Variants in CUBN observed in about 807,000 individuals in gnomAD.
The protein encoded by CUBN is 460 kDa receptor.
Under a neutral mutation model 405.3 loss-of-function variants are expected in CUBN, and 282 were observed. The ratio of observed to expected loss-of-function variants is 0.70; its 90% CI spans 0.63 to 0.77. The LOEUF (loss-of-function observed/expected upper bound fraction) is 0.77. Ranked by LOEUF, CUBN falls within the 30% of genes least tolerant of loss-of-function variation. The probability of loss-of-function intolerance (pLI) is 0.00; values close to 1 mark genes in which losing one functional copy is unlikely to be tolerated. For synonymous variants in CUBN, 1,684 were observed against 1,617.0 expected (o/e 1.04, Z -0.99); for missense variants, 4,514 against 4,475.2 (o/e 1.01, Z -0.25).
At chr10:17,011,511 G>T (rs998637302) in intron 28 of CUBN, among the ~76,000 whole-genome samples, 58 of 130,816 alleles carry the variant, frequency 4.4e-4, no homozygotes, top group African/African-American at 1.4e-3. Flanking sequence ...AGCTCATAAA[G>T]GTAGTGTGAA....
intron 59 of CUBN, among the ~76,000 whole-genome samples, chr10:16,853,415 T>G (rs1434127827): frequency 1.3e-5 from 2 of 152,216 alleles, no homozygotes; most frequent in Admixed American, 1.3e-4. Context: ...TAGGGGGTGC[T>G]AAGATTTTGT....
chr10:17,081,696 A>C (rs781096362), intron 17 of CUBN, among the ~76,000 whole-genome samples: 5 of 152,186 alleles, frequency 3.3e-5, no homozygotes, highest in African/African-American at 4.8e-5. Context: ...CAATGGATAG[A>C]GATGATTTAA....
intron 17 of CUBN, among the ~76,000 whole-genome samples, chr10:17,075,217 G>A (rs1588626386): frequency 6.7e-6 from 1 of 150,296 alleles, no homozygotes; most frequent in East Asian, 2.0e-4. Flanking sequence ...CCAAATAGCT[G>A]AGACTGCAAG....
chr10:16,894,268 A>G (rs1302981568), intron 54 of CUBN, among the ~76,000 whole-genome samples: 1 of 152,022 alleles, frequency 6.6e-6, no homozygotes, highest in Non-Finnish European at 1.5e-5. Flanking sequence ...TTGTTGTTTA[A>G]TCTAAGACCT....
chr10:16,892,636 T>G (rs2131405273), intron 54 of CUBN, among the ~76,000 whole-genome samples: 1 of 152,138 alleles, frequency 6.6e-6, no homozygotes, highest in East Asian at 1.9e-4. Flanking sequence ...GGACTACAGG[T>G]GCGTGCAACC....
At chr10:16,945,767 C>CAAAAAAAAAAAAAAAAAAA (rs61141075) in intron 36 of CUBN, among the ~76,000 whole-genome samples, 1 of 81,386 alleles carries the variant, frequency 1.2e-5, no homozygotes, top group Non-Finnish European at 2.5e-5. Flanking sequence ...ACTGTGTCTC[C>CAAAAAAAAAAAAAAAAAAA]AAAAAAAAAA....
chr10:16,908,667 T>TA (rs1841627686), intron 48 of CUBN, among the ~76,000 whole-genome samples: 1 of 152,188 alleles, frequency 6.6e-6, no homozygotes. Flanking sequence ...CAATGCTTTA[T>TA]AAAATCAAAT....
chr10:17,061,666 C>T (rs940305033), intron 22 of CUBN, among the ~76,000 whole-genome samples: 2 of 152,116 alleles, frequency 1.3e-5, no homozygotes, highest in Non-Finnish European at 1.5e-5. Flanking sequence ...AGGAGGGAGG[C>T]CAAGAAAGCC....
Position 16,954,542 on chromosome 10 carries a change from C to T in CUBN, c.4702G>A (p.Asp1568Asn), listed in dbSNP as rs533512333. ...EPQDSCIMAY[D>N]GLSSTMSRLA... is the part of the protein sequence containing the mutation. The stretch of plus-strand genomic sequence containing the variant: ...CGGGACATTGTGGAGCTTAAGCCAT[C>T]GTATGCCTACAAGAAAGGAGACAGG... The change falls in exon 32 of 67, where the codon GAT becomes AAT. Residue 1568 changes from aspartate (D) to asparagine (N), a missense_variant. Physicochemically the swap from Asp to Asn is conservative, Grantham distance 23. This residue lies in a region of CUBN where 1,613 missense variants were observed against 1,542.8 expected (regional missense o/e 1.05). Transcript: ENST00000377833. 1.1e-4 allele frequency: 179 copies of T among 1,613,356 alleles called. No homozygotes were observed. In the South Asian group the frequency reaches 1.7e-3, roughly 16 times the overall value.
At position 16,900,745 on chromosome 10, in the gene CUBN, A is replaced by G. The variant is rs146256983; in HGVS notation, c.8290T>C (p.Cys2764Arg). ...SPESPIIGQY[C>R]GNSNPRTIQS... ...ATTGTCCTGGGGTTTGAATTTCCAC[A>G]GTATTGTCCTATGATGGGTGATTCA... is the stretch of plus-strand genomic sequence containing the variant. Residue 2764 changes from cysteine (C) to arginine (R), a missense_variant, in exon 53 of 67, where the codon TGT becomes CGT. Physicochemically the swap from Cys to Arg is radical, Grantham distance 180. Transcript: ENST00000377833. 101 of 1,614,002 alleles carry G rather than the reference A, an allele frequency of 6.3e-5. No homozygotes were observed. The African/African-American group carries it at 1.2e-3, about 19-fold the overall frequency.
At chr10:16,851,580 C>T (rs373630977) in intron 59 of CUBN, 137 bp from the exon 60 acceptor site, 2 of 814,952 alleles carry the variant, frequency 2.5e-6, no homozygotes, top group African/African-American at 1.7e-5. Flanking sequence ...CCCTCCTGGG[C>T]TCCCTCCTTT....
At position 17,128,073 on chromosome 10, in the gene CUBN, G is replaced by A. The variant is rs968722882; in HGVS notation, c.253-149C>T. 4.3e-5 allele frequency: 25 copies of A among 587,842 alleles called. 1 individual carries two copies. The highest frequency in any genetic ancestry group is 3.7e-4 in the South Asian group (18 of 49,104). The allele number at this position is 587,842 out of a possible 1,614,324, so 36.4% of individuals were successfully genotyped here. On this transcript the variant is annotated intron_variant, in intron 2 of 66. Transcript: ENST00000377833. ...TATAAAAACCAAAACAACACCATGC[G>A]TAATAAACACTGGGCTAAAATAGCC...
chr10:17,065,738 G>C, intron 21 of CUBN, 100 bp from the exon 22 acceptor site: 2 of 1,369,422 alleles, frequency 1.5e-6, no homozygotes, highest in South Asian at 1.2e-5. Context: ...AATAGGTTTT[G>C]TTCTCTACCT....
chr10:16,970,532 C>T lies in CUBN; in HGVS notation c.4695+11952G>A, dbSNP rs981536072. 1.4e-4 allele frequency among the ~76,000 whole-genome samples: 20 copies of T among 146,618 alleles called. 5 individuals are homozygous for T. The highest frequency in any genetic ancestry group is 2.1e-4 in the Admixed American group (3 of 14,460). On this transcript the variant is annotated intron_variant, in intron 31 of 66. Transcript: ENST00000377833. Reference sequence around the variant, plus strand: ...TGGAGGTCGCAGTGAGCTGAGATCACACCTTTGCACTCCAGCCTGGGCAAC... The same window carrying T: ...TGGAGGTCGCAGTGAGCTGAGATCATACCTTTGCACTCCAGCCTGGGCAAC...
At chr10:17,046,364 C>A (rs1835131845) in intron 23 of CUBN, among the ~76,000 whole-genome samples, 1 of 152,082 alleles carries the variant, frequency 6.6e-6, no homozygotes, top group South Asian at 2.1e-4. Context: ...TATGTTTAAT[C>A]TTCACCCTTT....
chr10:17,115,457 G>C lies in CUBN; in HGVS notation c.720+14C>G. 1 of 1,613,498 alleles carries C rather than the reference G, an allele frequency of 6.2e-7. No individual in the cohort carries two copies. Among genetic ancestry groups the C allele is most frequent in the Admixed American group, 1.7e-5 (1 of 60,010 alleles). On this transcript the variant is annotated intron_variant, in intron 7 of 66. Coordinates refer to ENST00000377833, the MANE Select transcript of CUBN (RefSeq NM_001081.4). Reference sequence around the variant, plus strand: ...GGCTCTCTGCAAGGAGGCACATTTGGGGAAGGGACCCACCTCTCCAGCTTG... The same window carrying C: ...GGCTCTCTGCAAGGAGGCACATTTGCGGAAGGGACCCACCTCTCCAGCTTG...
At position 17,047,629 on chromosome 10, in the gene CUBN, G is replaced by A. The variant is rs907726658; in HGVS notation, c.3140-26C>T. On this transcript the variant is annotated intron_variant, in intron 22 of 66. Coordinates refer to ENST00000377833, the MANE Select transcript of CUBN (RefSeq NM_001081.4). ...CTGTGAACAGAAACAGACCATAAGAGAGAAAATAGAAAATATTGATATGTT... is the reference window on the plus strand; with the variant it reads ...CTGTGAACAGAAACAGACCATAAGAAAGAAAATAGAAAATATTGATATGTT... 1.1e-5 allele frequency: 18 copies of A among 1,589,816 alleles called. No homozygotes were observed. In the African/African-American group the frequency reaches 2.2e-4, roughly 19 times the overall value.
Position 16,840,486 on chromosome 10 carries a change from T to C in CUBN, c.9876A>G (p.Ser3292=), listed in dbSNP as rs527327584. Residue 3292 remains serine (S), a synonymous_variant, in exon 62 of 67, where the codon TCA becomes TCG. Coordinates refer to ENST00000377833, the MANE Select transcript of CUBN (RefSeq NM_001081.4). ...CATCTGGGTCTGATGAATTGGGTGA[T>C]GAAATATTTTGTGGGGTCCAAGTTG... ...YNATWTPQNI[S]SPNSSDPDVP... The C allele has an allele frequency of 6.0e-5, 97 of 1,612,992 alleles. 1 individual carries two copies. The South Asian group carries it at 9.8e-4, about 16-fold the overall frequency.
chr10:16,977,773 C>T lies in CUBN; in HGVS notation c.4695+4711G>A, dbSNP rs1016682585. Among the ~76,000 whole-genome samples, 23 of 152,228 alleles carry T rather than the reference C, an allele frequency of 1.5e-4. 5 individuals are homozygous for T. The highest frequency in any genetic ancestry group is 2.0e-4 in the Admixed American group (3 of 15,294). ...CACCCCTAGATGCTACCATGGGGCCCGGAGTCCAGAAGCACTCTCCCCGGC... is the reference window on the plus strand; with the variant it reads ...CACCCCTAGATGCTACCATGGGGCCTGGAGTCCAGAAGCACTCTCCCCGGC... On this transcript the variant is annotated intron_variant, in intron 31 of 66. Transcript: ENST00000377833.
Sources: gnomAD v4.1 joint callset for allele counts (sites outside exome capture counted in the v4.1 genomes callset) on GRCh38, gnomAD v4.1.1 for gene constraint, gnomAD v4.1.1 regional missense constraint, MANE v1.5 for transcripts, NCBI Gene and HGNC (gene_info 2026-07-23, HGNC 2026-07-21) for gene names.